The following CSMD1 variants were observed in gnomAD, a reference collection of about 807,000 sequenced individuals.
The protein encoded by CSMD1 is CUB and sushi domain-containing protein 1.
Under a neutral mutation model 417.5 loss-of-function variants are expected in CSMD1, and 213 were observed. The ratio of observed to expected loss-of-function variants is 0.51; its 90% confidence interval spans 0.46 to 0.57. CSMD1 has a LOEUF of 0.57. Among genes scored for constraint, CSMD1 ranks in the 20% least tolerant of loss-of-function variants. CSMD1 has a pLI of 0.00. For missense variants in CSMD1, 6,923 were observed against 4,529.7 expected (o/e 1.53, Z -15.17); for synonymous variants, 2,862 against 1,736.8 (o/e 1.65, Z -16.11).
chr8:4,520,166 G>C (rs1315151813), intron 2 of CSMD1, among the ~76,000 whole-genome samples: 2 of 152,106 alleles, frequency 1.3e-5, no homozygotes, highest in Non-Finnish European at 2.9e-5. Flanking sequence ...CAGTAAGCTT[G>C]GCTCTGTTTC....
chr8:4,231,468 C>G lies in CSMD1; in HGVS notation c.415+188485G>C, dbSNP rs77704872. 2.1e-3 allele frequency among the ~76,000 whole-genome samples: 319 copies of G among 151,790 alleles called. 1 individual carries two copies. The highest frequency in any genetic ancestry group is 7.3e-3 in the African/African-American group (300 of 41,356). ...GAGATCAGACATTAGACAGTGAACT[C>G]TCTCAGGGCCAGCTCTCTCACGCCC... On this transcript the variant is annotated intron_variant, in intron 3 of 69. Coordinates refer to ENST00000635120, the MANE Select transcript of CSMD1 (RefSeq NM_033225.6).
chr8:4,159,255 T>C (rs967065325), intron 3 of CSMD1, among the ~76,000 whole-genome samples: 7 of 152,198 alleles, frequency 4.6e-5, no homozygotes, highest in Non-Finnish European at 8.8e-5. Context: ...AATGTTTTAC[T>C]CATTGGGGTA....
At chr8:3,021,213 C>T (rs1344101051) in intron 51 of CSMD1, among the ~76,000 whole-genome samples, 3 of 152,190 alleles carry the variant, frequency 2.0e-5, no homozygotes, top group African/African-American at 4.8e-5. Context: ...TAAAAATATT[C>T]TGGTGACAAA....
intron 7 of CSMD1, 80 bp downstream of exon 7, chr8:3,708,334 G>A (rs915849214): frequency 4.4e-6 from 5 of 1,137,434 alleles, no homozygotes; most frequent in East Asian, 2.4e-5. Context: ...GTGGTGGGTG[G>A]GATCGCTTCT....
chr8:4,253,726 A>G (rs1803243652), intron 3 of CSMD1, among the ~76,000 whole-genome samples: 1 of 151,694 alleles, frequency 6.6e-6, no homozygotes, highest in Non-Finnish European at 1.5e-5. Flanking sequence ...AACTACACAC[A>G]TCAATTTTCT....
rs1250449048 is a variant in CSMD1 at position 3,412,013 on chromosome 8, T to TACATATAC, written c.1562-2416_1562-2409dup. On this transcript the variant is annotated intron_variant, in intron 12 of 69. Transcript: ENST00000635120. ...ATACGTGTATATACACGTATATATA[T>TACATATAC]ACATATACACACGTATATATACACA... is the stretch of plus-strand genomic sequence containing the variant. Among the ~76,000 whole-genome samples the TACATATAC allele has an allele frequency of 4.6e-4, 3 of 6,522 alleles. 1 individual carries two copies. The highest frequency in any genetic ancestry group is 1.2e-3 in the Non-Finnish European group (3 of 2,454). 4.3% of individuals were successfully genotyped at this position (6,522 alleles called of 152,430 possible).
At chr8:3,674,227 T>C (rs117629330) in intron 7 of CSMD1, among the ~76,000 whole-genome samples, 2 of 152,204 alleles carry the variant, frequency 1.3e-5, no homozygotes, top group African/African-American at 4.8e-5. Flanking sequence ...AAGCAGATTG[T>C]ATTATGGTTG....
At chr8:4,709,917 A>C (rs564122972) in intron 1 of CSMD1, among the ~76,000 whole-genome samples, 1 of 152,342 alleles carries the variant, frequency 6.6e-6, no homozygotes, top group East Asian at 1.9e-4. Context: ...AAGGATTGAA[A>C]AACTAGAAAC....
intron 8 of CSMD1, among the ~76,000 whole-genome samples, chr8:3,615,343 T>G (rs377238345): frequency 2.6e-5 from 4 of 152,314 alleles, no homozygotes; most frequent in African/African-American, 9.6e-5. Context: ...AACATCCTTC[T>G]GCTTAGCTCT....
intron 12 of CSMD1, among the ~76,000 whole-genome samples, chr8:3,423,905 G>C (rs1281617087): frequency 6.6e-6 from 1 of 152,054 alleles, no homozygotes; most frequent in Non-Finnish European, 1.5e-5. Flanking sequence ...AATTAATGGC[G>C]ACCCTCAAAT....
chr8:4,120,081 G>A (rs989303175), intron 3 of CSMD1, among the ~76,000 whole-genome samples: 8 of 152,248 alleles, frequency 5.3e-5, no homozygotes, highest in African/African-American at 1.9e-4. Context: ...TAATACAAAG[G>A]ATAAATGCTT....
intron 6 of CSMD1, among the ~76,000 whole-genome samples, chr8:3,744,462 T>G (rs1033719529): frequency 6.6e-6 from 1 of 151,782 alleles, no homozygotes; most frequent in Non-Finnish European, 1.5e-5. Context: ...GAAACTAGAT[T>G]TTAACTAGGA....
chr8:4,555,325 G>GA (rs1442200605), intron 2 of CSMD1, among the ~76,000 whole-genome samples: 3 of 152,222 alleles, frequency 2.0e-5, no homozygotes, highest in South Asian at 2.1e-4. Flanking sequence ...TGCTCAGAAG[G>GA]AAAAAACAAA....
At chr8:2,978,366 G>A (rs895476410) in intron 55 of CSMD1, among the ~76,000 whole-genome samples, 2 of 152,138 alleles carry the variant, frequency 1.3e-5, no homozygotes, top group African/African-American at 4.8e-5. Context: ...TGTCCAAGTG[G>A]CATCCAATAA....
At chr8:4,674,966 C>T (rs1370496794) in intron 1 of CSMD1, among the ~76,000 whole-genome samples, 3 of 152,126 alleles carry the variant, frequency 2.0e-5, no homozygotes, top group African/African-American at 7.2e-5. Context: ...CATGAGAGGA[C>T]ACGGTGAGGA....
At chr8:3,792,926 C>A (rs1339430960) in intron 5 of CSMD1, among the ~76,000 whole-genome samples, 1 of 152,132 alleles carries the variant, frequency 6.6e-6, no homozygotes, top group South Asian at 2.1e-4. Flanking sequence ...GGGTCTTTTT[C>A]CTTTGGTATT....
chr8:3,506,999 A>T lies in CSMD1; in HGVS notation c.1345-13273T>A, dbSNP rs146165559. The stretch of plus-strand genomic sequence containing the variant: ...CTTTGATATAGAGTTTCTAATATAC[A>T]TTTTCATACAAGATGTTGTAAGAAT... On this transcript the variant is annotated intron_variant, in intron 10 of 69. Coordinates refer to ENST00000635120, the MANE Select transcript of CSMD1 (RefSeq NM_033225.6). 1.3e-3 allele frequency among the ~76,000 whole-genome samples: 198 copies of T among 152,334 alleles called. 2 individuals carry two copies. Among genetic ancestry groups the T allele is most frequent in the African/African-American group, 4.5e-3 (185 of 41,572 alleles).
At chr8:4,447,930 C>T (rs948114226) in intron 2 of CSMD1, among the ~76,000 whole-genome samples, 1 of 152,156 alleles carries the variant, frequency 6.6e-6, no homozygotes. Context: ...CGACAATTAC[C>T]ACACTCACCA....
intron 3 of CSMD1, among the ~76,000 whole-genome samples, chr8:4,416,942 T>C (rs1245105621): frequency 6.6e-6 from 1 of 152,086 alleles, no homozygotes; most frequent in Non-Finnish European, 1.5e-5. Context: ...AAACTATGTG[T>C]AATCCTAATA....
Sources: allele counts gnomAD v4.1 joint callset (sites outside exome capture counted in the v4.1 genomes callset), GRCh38; gene constraint gnomAD v4.1.1; transcripts MANE v1.5; gene names NCBI Gene and HGNC (gene_info 2026-07-23, HGNC 2026-07-21).